The following SWAP70 variants were observed in gnomAD, a reference collection of about 807,000 sequenced individuals.
The protein encoded by SWAP70 is switch-associated protein 70.
Under a neutral mutation model 80.2 loss-of-function variants are expected in SWAP70, and 34 were observed. The ratio of observed to expected loss-of-function variants is 0.42; its 90% CI spans 0.32 to 0.56. The LOEUF (loss-of-function observed/expected upper bound fraction) is 0.56. SWAP70 is among the 20% of genes least tolerant of loss of function. SWAP70 has a pLI of 0.09. For synonymous variants in SWAP70, 239 were observed against 238.5 expected (o/e 1.00, Z -0.02); for missense variants, 578 against 690.7 (o/e 0.84, Z 1.83).
chr11:9,712,157 A>C (rs1041389282), intron 2 of SWAP70, among the ~76,000 whole-genome samples: 1 of 152,148 alleles, frequency 6.6e-6, no homozygotes, highest in Non-Finnish European at 1.5e-5. Flanking sequence ...TATCTCTATT[A>C]CAGTACTTGT....
At chr11:9,717,154 CAAT>C (rs886114276) in intron 3 of SWAP70, among the ~76,000 whole-genome samples, 28 of 152,010 alleles carry the variant, frequency 1.8e-4, no homozygotes, top group African/African-American at 6.5e-4. Context: ...TGCTTAATAA[CAAT>C]GATGTAATCG....
Position 9,694,200 on chromosome 11 carries a change from C to T in SWAP70, c.154C>T (p.Leu52Phe). The T allele has an allele frequency of 6.2e-7, 1 of 1,613,150 alleles. No homozygotes were observed. Among genetic ancestry groups the T allele is most frequent in the East Asian group, 2.2e-5 (1 of 44,854 alleles). The change falls in exon 2 of 12, where the codon CTT becomes TTT. Residue 52 changes from leucine (L) to phenylalanine (F), a missense_variant. By Grantham distance (22) the Leu-to-Phe change is conservative (BLOSUM62 0). Coordinates refer to ENST00000318950, the MANE Select transcript of SWAP70 (RefSeq NM_015055.4). ...GAAGGTTCCTCATGACCCAGTTGCC[C>T]TTGAAGAGCACTTCAGGGATGATGA... ...VLKVPHDPVALEEHFRDDDEG... is the reference protein window; with the variant it reads ...VLKVPHDPVAFEEHFRDDDEG...
intron 9 of SWAP70, among the ~76,000 whole-genome samples, chr11:9,745,501 A>G (rs923042438): frequency 1.3e-5 from 2 of 152,254 alleles, no homozygotes; most frequent in African/African-American, 2.4e-5. Flanking sequence ...ACTTGGCTTT[A>G]TAGAAATTCA....
intron 1 of SWAP70, among the ~76,000 whole-genome samples, chr11:9,669,442 C>G (rs1850347399): frequency 6.6e-6 from 1 of 152,156 alleles, no homozygotes; most frequent in Non-Finnish European, 1.5e-5. Flanking sequence ...GTTGGCCAGG[C>G]TGGTCTCAAA....
chr11:9,705,606 GCACTGGTGATCTGTATA>G (rs1439618357), intron 2 of SWAP70, among the ~76,000 whole-genome samples: 12 of 122,492 alleles, frequency 9.8e-5, no homozygotes, highest in African/African-American at 4.3e-4. Context: ...TGATCTGTAT[GCACTGGTGATCTGTATA>G]CACTGGTGAT....
In SWAP70 at chr11:9,713,594, CT is replaced by C; in HGVS notation, c.374del (p.Leu125TyrfsTer8). ...DAFKIWVIFN[F>X]LSEDKYPLII... ...CATTTAAAATATGGGTTATTTTCAA[CT>C]TTTTATCTGAGGACAAGTATCCATT... On this transcript the variant is annotated frameshift_variant, in exon 3 of 12. Coordinates refer to ENST00000318950, the MANE Select transcript of SWAP70 (RefSeq NM_015055.4). LOFTEE classifies it high-confidence loss of function. The C allele has an allele frequency of 6.2e-7, 1 of 1,613,858 alleles. No individual in the cohort carries two copies. The highest frequency in any genetic ancestry group is 8.5e-7 in the Non-Finnish European group (1 of 1,179,914).
rs991451358 is a variant in SWAP70, at chr11:9,664,108, G to C, written c.-72G>C. ...CTGCGCGGCGGGCTGTGGCTGCGGAGGTTGAGGGGCGTCCGAGGCGCGGAG... is the reference window on the plus strand; with the variant it reads ...CTGCGCGGCGGGCTGTGGCTGCGGACGTTGAGGGGCGTCCGAGGCGCGGAG... On this transcript the variant is annotated 5_prime_UTR_variant, in exon 1 of 12. Coordinates refer to ENST00000318950, the MANE Select transcript of SWAP70 (RefSeq NM_015055.4). The C allele has an allele frequency of 1.6e-4, 226 of 1,437,046 alleles. No individual in the cohort carries two copies. Among genetic ancestry groups the C allele is most frequent in the Non-Finnish European group, 2.1e-4 (220 of 1,070,314 alleles). 89.0% of individuals were successfully genotyped at this position (1,437,046 alleles called of 1,614,324 possible).
At chr11:9,681,866 C>T (rs1456578934) in intron 1 of SWAP70, among the ~76,000 whole-genome samples, 1 of 152,092 alleles carries the variant, frequency 6.6e-6, no homozygotes, top group African/African-American at 2.4e-5. Context: ...TGTGAGAATA[C>T]TATGATGAAA....
intron 7 of SWAP70, among the ~76,000 whole-genome samples, chr11:9,732,921 A>G (rs1049770270): frequency 3.3e-5 from 5 of 150,178 alleles, no homozygotes; most frequent in African/African-American, 1.2e-4. Context: ...GGCAGCAAAA[A>G]CATTTCATTG....
rs370183264 is a variant in SWAP70 at position 9,666,275 on chromosome 11, G to A, written c.99+1997G>A. 4.0e-5 allele frequency among the ~76,000 whole-genome samples: 6 copies of A among 151,858 alleles called. No individual in the cohort carries two copies. In the East Asian group the frequency reaches 9.7e-4, roughly 24 times the overall value. On this transcript the variant is annotated intron_variant, in intron 1 of 11. Transcript: ENST00000318950. ...TAATTTTTGTATTTTTAGTAGAAAC[G>A]GGGTTTCACCATGTTGGCCAGGCTG... is the stretch of plus-strand genomic sequence containing the variant.
intron 2 of SWAP70, among the ~76,000 whole-genome samples, chr11:9,701,331 C>G (rs1281766559): frequency 6.6e-6 from 1 of 151,896 alleles, no homozygotes; most frequent in African/African-American, 2.4e-5. Context: ...GCCACCACGC[C>G]CAGCTACTTT....
chr11:9,708,434 G>A (rs958040328), intron 2 of SWAP70, among the ~76,000 whole-genome samples: 7 of 152,096 alleles, frequency 4.6e-5, no homozygotes, highest in African/African-American at 1.4e-4. Flanking sequence ...TTGGCTGTTC[G>A]TATATATTAT....
chr11:9,696,234 G>A (rs1424916438), intron 2 of SWAP70, among the ~76,000 whole-genome samples: 1 of 152,050 alleles, frequency 6.6e-6, no homozygotes, highest in Non-Finnish European at 1.5e-5. Context: ...GGCCATGTTC[G>A]GTTTTTCCCT....
At chr11:9,703,506 A>C in intron 2 of SWAP70, 1 of 456,172 alleles carries the variant, frequency 2.2e-6, no homozygotes, top group Middle Eastern at 3.3e-4. Flanking sequence ...TTAGCTCTGG[A>C]CTTGATTGTC....
intron 6 of SWAP70, among the ~76,000 whole-genome samples, chr11:9,730,587 T>G (rs1851284682): frequency 6.6e-6 from 1 of 152,188 alleles, no homozygotes; most frequent in African/African-American, 2.4e-5. Context: ...TATAGAATTT[T>G]CCCTTTTAAG....
At chr11:9,705,702 A>T (rs1408667230) in intron 2 of SWAP70, among the ~76,000 whole-genome samples, 1 of 142,330 alleles carries the variant, frequency 7.0e-6, no homozygotes, top group Non-Finnish European at 1.5e-5. Context: ...TGCACTGGTG[A>T]TCTGTATACA....
At chr11:9,698,156 A>G (rs550245913) in intron 2 of SWAP70, among the ~76,000 whole-genome samples, 16 of 141,116 alleles carry the variant, frequency 1.1e-4, no homozygotes, top group Admixed American at 1.0e-3. Context: ...GCTGGAGTAC[A>G]GTGGCATGAT....
chr11:9,688,203 T>G (rs1467988253), intron 1 of SWAP70, among the ~76,000 whole-genome samples: 1 of 152,262 alleles, frequency 6.6e-6, no homozygotes, highest in East Asian at 1.9e-4. Context: ...TTAGCAGTTA[T>G]TGAAAGTCTT....
intron 9 of SWAP70, chr11:9,740,979 T>G (rs1182956930): frequency 1.3e-5 from 2 of 155,040 alleles, no homozygotes; most frequent in Non-Finnish European, 2.9e-5. Context: ...AGGGAAAAAT[T>G]GAGCCTATCC....
Sources: gnomAD v4.1 joint callset for allele counts (sites outside exome capture counted in the v4.1 genomes callset) on GRCh38, gnomAD v4.1.1 for gene constraint, MANE v1.5 for transcripts, NCBI Gene and HGNC (gene_info 2026-07-23, HGNC 2026-07-21) for gene names.